Variants in SH2D3C observed in about 807,000 individuals in gnomAD.
The protein encoded by SH2D3C is SH2 domain containing 3C.
Under a neutral mutation model 75.2 loss-of-function variants are expected in SH2D3C, and 25 were observed. That is an observed-to-expected ratio of 0.33 (90% CI 0.24 to 0.46). SH2D3C has a LOEUF of 0.46. Ranked by LOEUF, SH2D3C falls within the 20% of genes least tolerant of loss-of-function variation. The pLI is 1.00. For synonymous variants in SH2D3C, 450 were observed against 473.7 expected, an observed-to-expected ratio of 0.95 and a Z score of 0.65; for missense variants, 933 against 1,165.3, an observed-to-expected ratio of 0.80 and a Z score of 2.90.
chr9:127,777,222 G>T (rs1829028991), intron 1 of SH2D3C, among the ~76,000 whole-genome samples: 1 of 152,160 alleles, frequency 6.6e-6, no homozygotes, highest in African/African-American at 2.4e-5. Flanking sequence ...TCAGATCAAA[G>T]GAATCAGGAG....
At chr9:127,757,626 TGATGATGATGATGATG>T (rs1845421021) in intron 3 of SH2D3C, among the ~76,000 whole-genome samples, 7 of 125,602 alleles carry the variant, frequency 5.6e-5, no homozygotes, top group Non-Finnish European at 1.0e-4. Context: ...ATGATGATGA[TGATGATGATGATGATG>T]ATGATTATTA....
At chr9:127,763,999 G>T (rs374764724) in intron 2 of SH2D3C, among the ~76,000 whole-genome samples, 1 of 152,136 alleles carries the variant, frequency 6.6e-6, no homozygotes, top group Non-Finnish European at 1.5e-5. Flanking sequence ...CACTCTTCCC[G>T]GGTGAGGCAT....
intron 2 of SH2D3C, among the ~76,000 whole-genome samples, chr9:127,765,637 T>G (rs985805365): frequency 6.6e-5 from 10 of 152,152 alleles, no homozygotes; most frequent in African/African-American, 1.9e-4. Flanking sequence ...TGCTGTTCCC[T>G]CTGCCTAGAA....
At position 127,751,176 on chromosome 9, in the gene SH2D3C, C is replaced by G; in HGVS notation, c.680G>C (p.Arg227Pro). ...TCCAGCTCGGGGCCTACTCACCTCTCGGGGGATGCGGCCATGGTACCAGGC... is the reference window on the plus strand; with the variant it reads ...TCCAGCTCGGGGCCTACTCACCTCTGGGGGGATGCGGCCATGGTACCAGGC... ...SHAWYHGRIP[R>P]EVSETLVQRN... is the part of the protein sequence containing the mutation. The change falls in exon 4 of 12, where the codon CGA (arginine) becomes CCA (proline). Residue 227 changes from arginine to proline, a missense_variant. Physicochemically the swap from Arg to Pro is moderately radical, Grantham distance 103. Transcript: ENST00000314830. The surrounding 1 kb of genome is among the most constrained non-coding windows in gnomAD (Gnocchi z 4.1). 3.7e-6 allele frequency: 6 copies of G among 1,613,766 alleles called. No homozygotes were observed. The highest frequency in any genetic ancestry group is 5.1e-6 in the Non-Finnish European group (6 of 1,179,994).
intron 2 of SH2D3C, among the ~76,000 whole-genome samples, chr9:127,768,857 T>C (rs987848386): frequency 2.0e-5 from 3 of 152,000 alleles, no homozygotes; most frequent in Admixed American, 1.3e-4. Context: ...TCAGGGCCTT[T>C]ATACACGCTG....
chr9:127,747,293 G>A, intron 5 of SH2D3C, 22 bp from the exon 6 acceptor site: 3 of 1,606,694 alleles, frequency 1.9e-6, no homozygotes, highest in Non-Finnish European at 2.5e-6. Flanking sequence ...ACACCATCAT[G>A]GGCAGGGAGC....
At chr9:127,767,240 G>T (rs1006313445) in intron 2 of SH2D3C, 103 of 1,473,836 alleles carry the variant, frequency 7.0e-5, no homozygotes, top group Non-Finnish European at 8.9e-5. Flanking sequence ...GAGGATGCTG[G>T]GCCCTGACAG....
chr9:127,774,925 A>C lies in SH2D3C; in HGVS notation c.38-458T>G, dbSNP rs570330995. 1.3e-5 allele frequency among the ~76,000 whole-genome samples: 2 copies of C among 152,220 alleles called. No homozygotes were observed. Among genetic ancestry groups the C allele is most frequent in the East Asian group, 3.9e-4 (2 of 5,186 alleles). ...GACAACATGATGAAACCCCTTCTCT[A>C]CTAACAATACAAACATTAGCCGGGT... On this transcript the variant is annotated intron_variant, in intron 1 of 11. Coordinates refer to ENST00000314830, the MANE Select transcript of SH2D3C (RefSeq NM_170600.3). This position sits in a 1 kb window ranked among gnomAD's most constrained non-coding sequence, Gnocchi z 4.3.
At chr9:127,744,072 C>CTT (rs34636940) in intron 7 of SH2D3C, among the ~76,000 whole-genome samples, 5,088 of 114,480 alleles carry the variant, frequency 0.044, 268 homozygotes, top group African/African-American at 0.082. Flanking sequence ...ATCTTATGTG[C>CTT]TTTTTTTTTT....
At position 127,738,756 on chromosome 9, in the gene SH2D3C, C is replaced by T; in HGVS notation, c.2573G>A (p.Ser858Asn). 1 of 1,601,680 alleles carries T rather than the reference C, an allele frequency of 6.2e-7. No homozygotes were observed. Among genetic ancestry groups the T allele is most frequent in the South Asian group, 1.1e-5 (1 of 88,930 alleles). Residue 858 changes from serine (S) to asparagine (N), a missense_variant, in exon 12 of 12, where the codon AGC (serine) becomes AAC (asparagine). By Grantham distance (46) the Ser-to-Asn change is conservative. Coordinates refer to ENST00000314830, the MANE Select transcript of SH2D3C (RefSeq NM_170600.3). The surrounding 1 kb of genome is among the most constrained non-coding windows in gnomAD (Gnocchi z 5.0). ...SHKLEPAVRS[S>N]EL ...GAAATGTCCCTGGGGTCACAGCTCG[C>T]TGGAGCGGACAGCAGGTTCCAGCTT... is the stretch of plus-strand genomic sequence containing the variant.
At chr9:127,763,970 T>G (rs1224704890) in intron 2 of SH2D3C, among the ~76,000 whole-genome samples, 1 of 151,870 alleles carries the variant, frequency 6.6e-6, no homozygotes, top group African/African-American at 2.4e-5. Flanking sequence ...TAGGGACCCC[T>G]CCCCCAGCCA....
rs989017889 is a variant in SH2D3C at position 127,742,075 on chromosome 9, GGTT to G, written c.1917-119_1917-117del. On this transcript the variant is annotated intron_variant, in intron 8 of 11. Coordinates refer to ENST00000314830, the MANE Select transcript of SH2D3C (RefSeq NM_170600.3). ...GGCGGAGGGCGGAGCCAACGTGAGA[GGTT>G]GTAAGGGTCAATGGGATAAGGGGGC... is the stretch of plus-strand genomic sequence containing the variant. The G allele has an allele frequency of 1.1e-5, 11 of 969,442 alleles. No homozygotes were observed. The African/African-American group carries it at 1.8e-4, about 16-fold the overall frequency. 60.1% of individuals were successfully genotyped at this position (969,442 alleles called of 1,614,324 possible).
rs114218121 is a variant in SH2D3C at position 127,743,081 on chromosome 9, T to C, written c.1801-117A>G. On this transcript the variant is annotated intron_variant, in intron 7 of 11. Transcript: ENST00000314830. ...GCCTGGTTGGGAGGCGGGGTTTGAATTCCAGCTCCACCGCTAACCCTCTGA... is the reference window on the plus strand; with the variant it reads ...GCCTGGTTGGGAGGCGGGGTTTGAACTCCAGCTCCACCGCTAACCCTCTGA... 7.4e-4 allele frequency: 467 copies of C among 631,750 alleles called. 1 individual carries two copies. The African/African-American group carries it at 7.8e-3, about 11-fold the overall frequency. The allele number at this position is 631,750 out of a possible 1,614,324, so 39.1% of individuals were successfully genotyped here.
chr9:127,762,533 A>G, intron 2 of SH2D3C: 1 of 432,318 alleles, frequency 2.3e-6, no homozygotes, highest in Non-Finnish European at 4.7e-6. Context: ...CTTTGGCCAA[A>G]AACCCTGTGG....
At chr9:127,767,549 T>C (rs1185364374) in intron 2 of SH2D3C, among the ~76,000 whole-genome samples, 1 of 151,898 alleles carries the variant, frequency 6.6e-6, no homozygotes, top group African/African-American at 2.4e-5. Context: ...AAAAAAACAA[T>C]ATTTCAACCA....
intron 7 of SH2D3C, among the ~76,000 whole-genome samples, chr9:127,743,874 C>T (rs1016893916): frequency 4.6e-5 from 7 of 151,814 alleles, no homozygotes; most frequent in Non-Finnish European, 8.8e-5. Context: ...GCTTATTTGT[C>T]CAGTGGCGGG....
chr9:127,763,268 A>G (rs541391544), intron 2 of SH2D3C, among the ~76,000 whole-genome samples: 2 of 152,022 alleles, frequency 1.3e-5, no homozygotes, highest in South Asian at 4.2e-4. Context: ...ACCCTACTTT[A>G]TTTTCAATTT....
rs7036654 is a variant in SH2D3C at position 127,751,597 on chromosome 9, C to T, written c.556-297G>A. 0.076 allele frequency among the ~76,000 whole-genome samples: 11,587 copies of T among 152,288 alleles called. 996 individuals are homozygous for T. The highest frequency in any genetic ancestry group is 0.21 in the African/African-American group (8,708 of 41,530). ...CTAGTCTGAGGAGAGGCAAAAGCAA[C>T]AGGAGCCTCTGAGTAGAGTGCGGTC... On this transcript the variant is annotated intron_variant, in intron 3 of 11. Transcript: ENST00000314830. The surrounding 1 kb of genome is among the most constrained non-coding windows in gnomAD (Gnocchi z 4.1).
rs553219423 is a variant in SH2D3C, at chr9:127,748,859, G to A, written c.1139+352C>T. On this transcript the variant is annotated intron_variant, in intron 5 of 11. Coordinates refer to ENST00000314830, the MANE Select transcript of SH2D3C (RefSeq NM_170600.3). ...ATGAGGAGGGGTGGCATCAGGTGGC[G>A]GGGACCAGGCCCCTCTCCGGTTCAG... 5.9e-5 allele frequency among the ~76,000 whole-genome samples: 9 copies of A among 152,284 alleles called. No homozygotes were observed. The East Asian group carries it at 1.2e-3, about 20-fold the overall frequency.
Sources: gnomAD v4.1 joint callset for allele counts (sites outside exome capture counted in the v4.1 genomes callset) on GRCh38, gnomAD v4.1.1 for gene constraint, Gnocchi (gnomAD v3.1) non-coding constraint, MANE v1.5 for transcripts, NCBI Gene and HGNC (gene_info 2026-07-23, HGNC 2026-07-21) for gene names.